The following ERAP1 variants were observed in gnomAD, a reference collection of about 807,000 sequenced individuals.
The protein encoded by ERAP1 is endoplasmic reticulum aminopeptidase 1.
In ERAP1, 86 loss-of-function variants were observed where a neutral mutation model predicts 103.7. The observed-to-expected ratio is 0.83, with a 90% CI of 0.70 to 0.99. ERAP1 has a LOEUF of 0.99. Among genes scored for constraint, ERAP1 ranks in the 50% least tolerant of loss-of-function variants. The pLI is 0.00. For synonymous variants in ERAP1, 398 were observed against 402.4 expected, an observed-to-expected ratio of 0.99 and a Z score of 0.13; for missense variants, 1,009 against 1,128.4, an observed-to-expected ratio of 0.89 and a Z score of 1.52.
At chr5:96,815,110 G>A in the ERAP1 span, among the ~76,000 whole-genome samples, 1 of 152,200 alleles carries the variant, frequency 6.6e-6, no homozygotes, top group Non-Finnish European at 1.5e-5. Flanking sequence ...AAGACTGAGT[G>A]GTTGGATCAG....
chr5:96,858,283 T>G, the ERAP1 span, among the ~76,000 whole-genome samples: 2 of 151,682 alleles, frequency 1.3e-5, no homozygotes, highest in Non-Finnish European at 2.9e-5. Flanking sequence ...GGCGCTATCT[T>G]GGCTCACTCC....
At chr5:96,909,860 G>A in the ERAP1 span, 4 of 1,258,378 alleles carry the variant, frequency 3.2e-6, no homozygotes, top group African/African-American at 4.6e-5. Flanking sequence ...TTTTAGTGAG[G>A]ATAGAAAAAA....
chr5:96,837,464 G>A, the ERAP1 span, among the ~76,000 whole-genome samples: 1 of 152,208 alleles, frequency 6.6e-6, no homozygotes, highest in African/African-American at 2.4e-5. Flanking sequence ...AGGAGCTTCA[G>A]CCAGGGTGAA....
At chr5:96,879,549 G>T in the ERAP1 span, 10 of 643,940 alleles carry the variant, frequency 1.6e-5, no homozygotes, top group Non-Finnish European at 1.9e-5. Flanking sequence ...CTATAAGTGT[G>T]TTTTTTTCTT....
At chr5:96,923,175 T>C in the ERAP1 span, among the ~76,000 whole-genome samples, 3 of 152,264 alleles carry the variant, frequency 2.0e-5, no homozygotes, top group South Asian at 6.2e-4. Context: ...GATGGGGGTC[T>C]CACTATGTTT....
At chr5:96,867,757 A>T in the ERAP1 span, among the ~76,000 whole-genome samples, 2 of 152,144 alleles carry the variant, frequency 1.3e-5, no homozygotes, top group Middle Eastern at 6.3e-3. Flanking sequence ...TGCTTTGTAT[A>T]ATTTGTTTAT....
At chr5:96,898,181 G>T in the ERAP1 span, among the ~76,000 whole-genome samples, 1 of 152,014 alleles carries the variant, frequency 6.6e-6, no homozygotes, top group African/African-American at 2.4e-5. Context: ...GGGTGACAGA[G>T]TGAGACTCTG....
At chr5:96,897,182 TGG>T in the ERAP1 span, among the ~76,000 whole-genome samples, 1 of 152,218 alleles carries the variant, frequency 6.6e-6, no homozygotes, top group African/African-American at 2.4e-5. Context: ...ACCTAATCTC[TGG>T]CAAATTTTAA....
the ERAP1 span, among the ~76,000 whole-genome samples, chr5:96,924,118 C>A: frequency 6.6e-6 from 1 of 152,210 alleles, no homozygotes; most frequent in Admixed American, 6.5e-5. Flanking sequence ...TCAGGCTGAT[C>A]CTGCTAGTAC....
the ERAP1 span, among the ~76,000 whole-genome samples, chr5:96,888,391 G>C: frequency 6.6e-6 from 1 of 152,114 alleles, no homozygotes; most frequent in East Asian, 1.9e-4. Context: ...TTTCAGCCTG[G>C]GTGATCTGGA....
At chr5:96,838,133 G>A in the ERAP1 span, among the ~76,000 whole-genome samples, 1 of 152,250 alleles carries the variant, frequency 6.6e-6, no homozygotes, top group East Asian at 1.9e-4. Flanking sequence ...TCTCACTTTG[G>A]GCCGTGGTTC....
the ERAP1 span, chr5:96,873,652 A>G: frequency 5.8e-6 from 2 of 342,472 alleles, no homozygotes; most frequent in Non-Finnish European, 1.2e-5. Flanking sequence ...TGCTTGAAGC[A>G]TGAAGCAAGT....
At chr5:96,853,094 C>T in the ERAP1 span, among the ~76,000 whole-genome samples, 20 of 152,152 alleles carry the variant, frequency 1.3e-4, no homozygotes, top group Non-Finnish European at 2.9e-5. Context: ...CTGGACTGAG[C>T]TGGCAGGACA....
the ERAP1 span, among the ~76,000 whole-genome samples, chr5:96,826,534 T>C: frequency 1.3e-5 from 2 of 152,222 alleles, no homozygotes; most frequent in African/African-American, 4.8e-5. Flanking sequence ...TTTTTCTCCC[T>C]TTGAAGTAGG....
At chr5:96,931,770 T>G in the ERAP1 span, among the ~76,000 whole-genome samples, 42 of 152,224 alleles carry the variant, frequency 2.8e-4, no homozygotes, top group Non-Finnish European at 5.4e-4. Context: ...CCTCCCCTGC[T>G]GCAGCCAACT....
At chr5:96,776,754 C>A (rs930498936) in intron 18 of ERAP1, 1 of 670,496 alleles carries the variant, frequency 1.5e-6, no homozygotes, top group Non-Finnish European at 2.4e-6. Flanking sequence ...TTTTTGTCTG[C>A]AGTTCTTTTG....
the ERAP1 span, among the ~76,000 whole-genome samples, chr5:96,922,973 TG>T: frequency 1.6e-4 from 24 of 151,964 alleles, no homozygotes; most frequent in African/African-American, 5.3e-4. Context: ...TTTTGTTTTT[TG>T]TTTTTTGTTT....
the ERAP1 span, chr5:96,879,850 A>G: frequency 6.2e-7 from 1 of 1,614,184 alleles, no homozygotes; most frequent in Non-Finnish European, 8.5e-7. Context: ...CTTTCCCAGT[A>G]GCCACTAATG....
At chr5:96,889,436 G>A in the ERAP1 span, 117 of 1,012,730 alleles carry the variant, frequency 1.2e-4, no homozygotes, top group Non-Finnish European at 1.8e-4. Flanking sequence ...AAAATAATTT[G>A]TTCCTCAGAG....
Sources: allele counts gnomAD v4.1 joint callset (sites outside exome capture counted in the v4.1 genomes callset), GRCh38; gene constraint gnomAD v4.1.1; transcripts MANE v1.5; gene names NCBI Gene and HGNC (gene_info 2026-07-23, HGNC 2026-07-21).